Variants in SOS1 observed in about 807,000 individuals in gnomAD.
SOS1 encodes the protein son of sevenless homolog 1.
A neutral mutation model predicts 157.6 loss-of-function variants in SOS1; 25 were observed. That is an observed-to-expected ratio of 0.16 (90% CI 0.12 to 0.22). The LOEUF (loss-of-function observed/expected upper bound fraction) is 0.22. Among genes scored for constraint, SOS1 ranks in the 10% least tolerant of loss-of-function variants. The pLI is 1.00. For synonymous variants in SOS1, 528 were observed against 534.0 expected (o/e 0.99, Z 0.16); for missense variants, 1,237 against 1,599.1 (o/e 0.77, Z 3.86).
At chr2:39,108,791 G>A (rs979500757) in intron 1 of SOS1, among the ~76,000 whole-genome samples, 21 of 152,046 alleles carry the variant, frequency 1.4e-4, no homozygotes, top group African/African-American at 4.8e-4. Flanking sequence ...TACCTGGGAG[G>A]CTGAGGTGCA....
intron 10 of SOS1, among the ~76,000 whole-genome samples, chr2:39,017,640 C>G (rs1669671316): frequency 6.6e-6 from 1 of 151,896 alleles, no homozygotes; most frequent in Non-Finnish European, 1.5e-5. Flanking sequence ...GAAAATCTGG[C>G]AAAAATTTAA....
chr2:39,039,608 A>G (rs370092551), intron 6 of SOS1, among the ~76,000 whole-genome samples: 128 of 152,228 alleles, frequency 8.4e-4, no homozygotes, highest in African/African-American at 3.1e-3. Flanking sequence ...ATAGCTTTTG[A>G]CCATTTTTAT....
intron 10 of SOS1, among the ~76,000 whole-genome samples, chr2:39,015,413 A>T (rs564063878): frequency 1.5e-3 from 233 of 152,212 alleles, no homozygotes; most frequent in African/African-American, 5.4e-3. Context: ...AAATACTTAT[A>T]AGCTATTAAA....
intron 1 of SOS1, among the ~76,000 whole-genome samples, chr2:39,091,076 T>A (rs1408047431): frequency 1.3e-5 from 2 of 152,078 alleles, no homozygotes; most frequent in African/African-American, 4.8e-5. Flanking sequence ...ACCATATTGG[T>A]CAGGCTGGTC....
At chr2:39,090,568 C>A (rs549964634) in intron 1 of SOS1, among the ~76,000 whole-genome samples, 1 of 151,956 alleles carries the variant, frequency 6.6e-6, no homozygotes, top group African/African-American at 2.4e-5. Context: ...TGGTGGCAGG[C>A]GCCTGTAATC....
intron 2 of SOS1, among the ~76,000 whole-genome samples, chr2:39,059,732 TGAGGGAGG>T: frequency 6.6e-6 from 1 of 152,168 alleles, no homozygotes; most frequent in Middle Eastern, 3.4e-3. Context: ...CCCTTGGTGG[TGAGGGAGG>T]GGTGGAGAAC....
chr2:39,094,426 TCA>T (rs1332177798), intron 1 of SOS1, among the ~76,000 whole-genome samples: 5 of 152,052 alleles, frequency 3.3e-5, no homozygotes, highest in Non-Finnish European at 7.4e-5. Flanking sequence ...GGCAGGTGGA[TCA>T]CGAGGTCAGG....
chr2:39,006,765 G>T (rs948228049), intron 16 of SOS1, among the ~76,000 whole-genome samples: 2 of 152,092 alleles, frequency 1.3e-5, no homozygotes, highest in African/African-American at 4.8e-5. Context: ...ACAATTATGT[G>T]AACATTTAAC....
At chr2:39,008,154 C>T (rs766873212) in intron 15 of SOS1, among the ~76,000 whole-genome samples, 2 of 152,122 alleles carry the variant, frequency 1.3e-5, no homozygotes, top group African/African-American at 4.8e-5. Context: ...TAGGAATACC[C>T]TTTTTTGCCC....
At chr2:39,124,690 G>T (rs192557493), upstream of SOS1, among the ~76,000 whole-genome samples, 18 of 152,334 alleles carry the variant, frequency 1.2e-4, no homozygotes, top group East Asian at 3.3e-3. Flanking sequence ...TCACACTGGC[G>T]TCCCAGGATA....
intron 1 of SOS1, among the ~76,000 whole-genome samples, chr2:39,073,407 ACTT>A (rs1352048514): frequency 2.0e-5 from 3 of 152,230 alleles, no homozygotes; most frequent in Admixed American, 6.5e-5. Flanking sequence ...AATTTCATAT[ACTT>A]CTTTATATTT....
chr2:39,105,255 A>G (rs1284761681), intron 1 of SOS1, among the ~76,000 whole-genome samples: 1 of 152,208 alleles, frequency 6.6e-6, no homozygotes, highest in Non-Finnish European at 1.5e-5. Context: ...AATTCTGTCA[A>G]GACTTGTTTT....
At chr2:39,042,591 G>C (rs1670609067) in intron 6 of SOS1, among the ~76,000 whole-genome samples, 1 of 151,838 alleles carries the variant, frequency 6.6e-6, no homozygotes, top group Non-Finnish European at 1.5e-5. Flanking sequence ...TTTTAGTAGA[G>C]ATGGGGTTTC....
intron 1 of SOS1, among the ~76,000 whole-genome samples, chr2:39,087,962 T>G (rs765667411): frequency 1.3e-5 from 2 of 151,514 alleles, no homozygotes; most frequent in Non-Finnish European, 2.9e-5. Flanking sequence ...CACAGGCCAC[T>G]GCACCCAGCC....
At chr2:38,991,858 T>C (rs934651190) in intron 20 of SOS1, among the ~76,000 whole-genome samples, 2 of 152,194 alleles carry the variant, frequency 1.3e-5, no homozygotes, top group Non-Finnish European at 2.9e-5. Flanking sequence ...GAATAAGATA[T>C]GCAGCAGATA....
chr2:39,104,543 T>C (rs753220067), intron 1 of SOS1, among the ~76,000 whole-genome samples: 1 of 152,122 alleles, frequency 6.6e-6, no homozygotes, highest in Non-Finnish European at 1.5e-5. Context: ...TGAAAAACAA[T>C]ATGGCAGTTC....
chr2:39,050,236 C>T (rs1213392958), intron 6 of SOS1, among the ~76,000 whole-genome samples: 1 of 152,104 alleles, frequency 6.6e-6, no homozygotes, highest in Non-Finnish European at 1.5e-5. Flanking sequence ...CTAGAAACCT[C>T]AGAATGACTC....
intron 8 of SOS1, among the ~76,000 whole-genome samples, chr2:39,027,187 A>G (rs954145454): frequency 3.3e-5 from 5 of 152,222 alleles, no homozygotes; most frequent in Admixed American, 1.3e-4. Flanking sequence ...GACAAAATAT[A>G]TAATTCTCAT....
chr2:39,062,442 A>AAAAAAG (rs1671441053), intron 2 of SOS1, among the ~76,000 whole-genome samples: 1 of 150,280 alleles, frequency 6.7e-6, no homozygotes, highest in Non-Finnish European at 1.5e-5. Flanking sequence ...AATTAAAAAA[A>AAAAAAG]AAAAGAAAAG....
Sources: gnomAD v4.1 joint callset for allele counts (sites outside exome capture counted in the v4.1 genomes callset) on GRCh38, gnomAD v4.1.1 for gene constraint, MANE v1.5 for transcripts, NCBI Gene and HGNC (gene_info 2026-07-23, HGNC 2026-07-21) for gene names.